TBC1D2: variants seen among roughly 807,000 people sequenced by gnomAD.
TBC1D2 encodes the protein TBC1 domain family member 2A.
In TBC1D2, 58 loss-of-function variants were observed where a neutral mutation model predicts 91.1. That is an observed-to-expected ratio of 0.64 (90% CI 0.52 to 0.79). The LOEUF (loss-of-function observed/expected upper bound fraction) is 0.79, where lower values mean the gene tolerates loss of function less well. Among genes scored for constraint, TBC1D2 ranks in the 30% least tolerant of loss-of-function variants. The probability of loss-of-function intolerance (pLI) is 0.00; values close to 1 mark genes in which losing one functional copy is unlikely to be tolerated. For missense variants in TBC1D2, 1,080 were observed against 1,208.3 expected (o/e 0.89, Z 1.57); for synonymous variants, 482 against 511.5 (o/e 0.94, Z 0.78).
chr9:98,208,636 G>T, intron 9 of TBC1D2, 32 bp downstream of exon 9: 1 of 1,510,856 alleles, frequency 6.6e-7, no homozygotes, highest in Non-Finnish European at 8.9e-7. Context: ...AAAAGGTAAA[G>T]ATCACACCTT....
intron 6 of TBC1D2, among the ~76,000 whole-genome samples, chr9:98,213,869 ATC>A (rs1356980351): frequency 6.6e-6 from 1 of 152,196 alleles, no homozygotes; most frequent in African/African-American, 2.4e-5. Flanking sequence ...TGTGATAAAC[ATC>A]TCTGAGTTTT....
intron 5 of TBC1D2, among the ~76,000 whole-genome samples, chr9:98,221,881 A>G (rs1367399624): frequency 2.0e-5 from 3 of 152,136 alleles, no homozygotes; most frequent in African/African-American, 7.2e-5. Context: ...GGAACATGCC[A>G]ACACACCAGG....
chr9:98,228,960 A>T lies in TBC1D2; in HGVS notation c.970T>A (p.Ser324Thr). Residue 324 changes from serine to threonine, a missense_variant, in exon 5 of 13, where the codon TCT becomes ACT. Coordinates refer to ENST00000465784, the MANE Select transcript of TBC1D2 (RefSeq NM_001267571.2). The surrounding 1 kb of genome is among the most constrained non-coding windows in gnomAD (Gnocchi z 4.0). ...CTGGGACCAGACCTCACCTTCTGAG[A>T]CTTTAACTCCTTGGTGAGCATCAGA... Reference protein sequence around the residue: ...QVLMLTKELKSQKELVKILHK... With the variant: ...QVLMLTKELKTQKELVKILHK... 1 of 1,613,758 alleles carries T rather than the reference A, an allele frequency of 6.2e-7. No individual in the cohort carries two copies. Among genetic ancestry groups the T allele is most frequent in the South Asian group, 1.1e-5 (1 of 91,070 alleles).
chr9:98,219,980 G>C (rs1428904840), intron 6 of TBC1D2, among the ~76,000 whole-genome samples: 1 of 152,164 alleles, frequency 6.6e-6, no homozygotes, highest in Non-Finnish European at 1.5e-5. Flanking sequence ...GAGGCTGCGG[G>C]TCACGGCAGG....
chr9:98,228,894 G>A lies in TBC1D2; in HGVS notation c.978+58C>T. Reference sequence around the variant, plus strand: ...GCGTCCCATCTAGCTTATCCGAAAGGCTCCAGGAACTGGAGGGGTCCACTG... The same window carrying A: ...GCGTCCCATCTAGCTTATCCGAAAGACTCCAGGAACTGGAGGGGTCCACTG... On this transcript the variant is annotated intron_variant, in intron 5 of 12. Transcript: ENST00000465784. This position sits in a 1 kb window ranked among gnomAD's most constrained non-coding sequence, Gnocchi z 4.0. 2 of 1,544,930 alleles carry A rather than the reference G, an allele frequency of 1.3e-6. No homozygotes were observed. The highest frequency in any genetic ancestry group is 1.8e-6 in the Non-Finnish European group (2 of 1,131,020).
chr9:98,208,018 T>C (rs1286842532), intron 9 of TBC1D2, among the ~76,000 whole-genome samples: 5 of 152,198 alleles, frequency 3.3e-5, no homozygotes, highest in African/African-American at 4.8e-5. Context: ...TGGGTTTCAC[T>C]GAAAGCGAAT....
intron 6 of TBC1D2, among the ~76,000 whole-genome samples, chr9:98,215,918 G>T (rs1828957876): frequency 6.6e-6 from 1 of 152,182 alleles, no homozygotes; most frequent in Non-Finnish European, 1.5e-5. Flanking sequence ...TACCCTCCAA[G>T]CGTTGTCCTT....
At chr9:98,201,092 T>C (rs575994701) in intron 11 of TBC1D2, among the ~76,000 whole-genome samples, 2 of 150,820 alleles carry the variant, frequency 1.3e-5, no homozygotes, top group Non-Finnish European at 3.0e-5. Context: ...TAGGGCTGAG[T>C]TGGGGGACCT....
At chr9:98,247,971 A>G (rs926111710) in intron 2 of TBC1D2, among the ~76,000 whole-genome samples, 1 of 151,874 alleles carries the variant, frequency 6.6e-6, no homozygotes, top group East Asian at 1.9e-4. Context: ...TGTAAGTGCC[A>G]CCTGTGGGCC....
At chr9:98,243,948 G>C in intron 3 of TBC1D2, 46 bp downstream of exon 3, 1 of 1,575,486 alleles carries the variant, frequency 6.3e-7, no homozygotes. Context: ...TCCACTGAAG[G>C]GGCTGCCTGC....
intron 5 of TBC1D2, among the ~76,000 whole-genome samples, chr9:98,223,006 A>C (rs1829136760): frequency 6.6e-6 from 1 of 152,238 alleles, no homozygotes; most frequent in African/African-American, 2.4e-5. Flanking sequence ...ACTCGGTGCC[A>C]GGCCAGGCCC....
intron 6 of TBC1D2, among the ~76,000 whole-genome samples, chr9:98,218,529 T>G (rs1829023122): frequency 6.6e-6 from 1 of 151,604 alleles, no homozygotes; most frequent in Non-Finnish European, 1.5e-5. Context: ...ACCGCGCCAC[T>G]GCACTCCAGG....
At chr9:98,201,859 G>A (rs187229759) in intron 10 of TBC1D2, among the ~76,000 whole-genome samples, 195 bp from the exon 11 acceptor site, 53 of 152,266 alleles carry the variant, frequency 3.5e-4, no homozygotes, top group Non-Finnish European at 6.3e-4. Flanking sequence ...ATATCACTCC[G>A]CTGCTCCTAA....
Position 98,255,426 on chromosome 9 carries a change from C to T in TBC1D2, c.116G>A (p.Arg39Gln). ...PPEEESGDCA[R>Q]SLEAVPKKLC... ...TTTCTTGGGGACCGCCTCCAGGGAC[C>T]GGGCGCAGTCCCCCGATTCTTCCTC... Residue 39 changes from arginine to glutamine, a missense_variant, in exon 1 of 13, where the codon CGG (arginine) becomes CAG (glutamine). By Grantham distance (43) the Arg-to-Gln change is conservative. Transcript: ENST00000465784. 5 of 1,610,544 alleles carry T rather than the reference C, an allele frequency of 3.1e-6. No individual in the cohort carries two copies. Among genetic ancestry groups the T allele is most frequent in the Non-Finnish European group, 4.2e-6 (5 of 1,177,438 alleles).
chr9:98,226,633 T>A (rs1432082920), intron 5 of TBC1D2, among the ~76,000 whole-genome samples: 1 of 152,210 alleles, frequency 6.6e-6, no homozygotes, highest in Non-Finnish European at 1.5e-5. Flanking sequence ...TGGAATGGGT[T>A]GGAGAGTAAA....
chr9:98,252,039 A>G, intron 1 of TBC1D2, 113 bp from the exon 2 acceptor site: 1 of 1,389,172 alleles, frequency 7.2e-7, no homozygotes, highest in Non-Finnish European at 9.7e-7. Flanking sequence ...CCAGGAAAAA[A>G]AAAAGGGGGT....
chr9:98,233,529 C>T lies in TBC1D2; in HGVS notation c.668G>A (p.Arg223His), dbSNP rs188345176. Residue 223 changes from arginine to histidine, a missense_variant, in exon 4 of 13, where the codon CGT becomes CAT. Transcript: ENST00000465784. ...TGTTCCCTGGGCCTGCTTGTTGCCACGGATGTTGTGCATTGTGTTCCTGAA... is the reference window on the plus strand; with the variant it reads ...TGTTCCCTGGGCCTGCTTGTTGCCATGGATGTTGTGCATTGTGTTCCTGAA... ...TEIQNTMHNIRGNKQAQGTGH... is the reference protein window; with the variant it reads ...TEIQNTMHNIHGNKQAQGTGH... 5.6e-6 allele frequency: 9 copies of T among 1,614,150 alleles called. No homozygotes were observed. In the African/African-American group the frequency reaches 9.3e-5, roughly 17 times the overall value.
At chr9:98,207,862 G>C (rs1052448412) in intron 9 of TBC1D2, among the ~76,000 whole-genome samples, 6 of 152,222 alleles carry the variant, frequency 3.9e-5, no homozygotes. Context: ...TGCCCCCTGG[G>C]GTTGTGCAGG....
At chr9:98,231,948 C>T (rs1829379720) in intron 4 of TBC1D2, among the ~76,000 whole-genome samples, 1 of 152,074 alleles carries the variant, frequency 6.6e-6, no homozygotes, top group Non-Finnish European at 1.5e-5. Flanking sequence ...CAGGCACAGC[C>T]ATAGAGAAAG....
Sources: gnomAD v4.1 joint callset for allele counts (sites outside exome capture counted in the v4.1 genomes callset) on GRCh38, gnomAD v4.1.1 for gene constraint, Gnocchi (gnomAD v3.1) non-coding constraint, MANE v1.5 for transcripts, NCBI Gene and HGNC (gene_info 2026-07-23, HGNC 2026-07-21) for gene names.